Variants in CNTLN observed in about 807,000 individuals in gnomAD.
CNTLN encodes centlein, centrosomal protein.
In CNTLN, 212 loss-of-function variants were observed where a neutral mutation model predicts 180.0. The observed-to-expected ratio is 1.18, with a 90% CI of 1.05 to 1.32. The LOEUF is 1.32. CNTLN is among the 40% of genes most tolerant of loss of function. CNTLN has a pLI of 0.00. For missense variants in CNTLN, 2,095 were observed against 1,610.9 expected, an observed-to-expected ratio of 1.30 and a Z score of -5.14; for synonymous variants, 722 against 563.1, an observed-to-expected ratio of 1.28 and a Z score of -3.99.
chr9:17,342,469 G>A (rs958046664), intron 12 of CNTLN, 25 bp downstream of exon 12: 4 of 1,575,086 alleles, frequency 2.5e-6, no homozygotes, highest in Non-Finnish European at 3.4e-6. Context: ...TAACAATATG[G>A]ACTTAGATAA....
chr9:17,414,314 A>G (rs879598132), intron 16 of CNTLN, among the ~76,000 whole-genome samples: 1 of 152,136 alleles, frequency 6.6e-6, no homozygotes, highest in Non-Finnish European at 1.5e-5. Flanking sequence ...TGTTTGTTTC[A>G]TAGCATGAGA....
intron 6 of CNTLN, among the ~76,000 whole-genome samples, chr9:17,295,279 G>A (rs532148926): frequency 1.1e-3 from 161 of 152,308 alleles, no homozygotes; most frequent in Non-Finnish European, 1.8e-3. Context: ...GGACTCCCAA[G>A]GTGCAGCGGC....
intron 6 of CNTLN, among the ~76,000 whole-genome samples, chr9:17,290,240 A>T (rs1829280381): frequency 6.6e-6 from 1 of 151,992 alleles, no homozygotes; most frequent in Non-Finnish European, 1.5e-5. Context: ...CAGGACCCTC[A>T]GCTGCAGGTC....
intron 8 of CNTLN, among the ~76,000 whole-genome samples, chr9:17,310,251 A>AT (rs1051990646): frequency 6.6e-6 from 1 of 152,100 alleles, no homozygotes; most frequent in Admixed American, 6.6e-5. Flanking sequence ...TATCATTTTG[A>AT]TTTTTTTAAA....
At chr9:17,295,997 AGTGTGTGTGT>A (rs66515360) in intron 6 of CNTLN, among the ~76,000 whole-genome samples, 2,305 of 91,238 alleles carry the variant, frequency 0.025, 24 homozygotes, top group African/African-American at 0.054. Context: ...AGAGAGAGAG[AGTGTGTGTGT>A]GTGTGTGTGT....
chr9:17,377,036 T>G (rs1005801874), intron 13 of CNTLN, among the ~76,000 whole-genome samples: 7 of 152,134 alleles, frequency 4.6e-5, no homozygotes, highest in African/African-American at 1.7e-4. Flanking sequence ...TTTGTAAAAG[T>G]TTTTTGTTTC....
chr9:17,478,421 T>C (rs1314696301), intron 23 of CNTLN, among the ~76,000 whole-genome samples: 6 of 152,206 alleles, frequency 3.9e-5, no homozygotes, highest in Non-Finnish European at 7.3e-5. Context: ...GTCCTACTTA[T>C]TTATTTTTGA....
At chr9:17,450,519 T>C (rs1249504672) in intron 18 of CNTLN, among the ~76,000 whole-genome samples, 1 of 152,204 alleles carries the variant, frequency 6.6e-6, no homozygotes, top group Admixed American at 6.5e-5. Context: ...TCATTCAGAC[T>C]CTGCACTGAC....
At position 17,405,559 on chromosome 9, in the gene CNTLN, G is replaced by A. The variant is rs190749462; in HGVS notation, c.2616-3734G>A. 3.1e-4 allele frequency among the ~76,000 whole-genome samples: 47 copies of A among 151,598 alleles called. 1 individual carries two copies. The highest frequency in any genetic ancestry group is 9.3e-4 in the African/African-American group (38 of 41,060). On this transcript the variant is annotated intron_variant, in intron 15 of 25. Coordinates refer to ENST00000380647, the MANE Select transcript of CNTLN (RefSeq NM_017738.4). ...CTCACTCCCATGATAACATTAAATCGTTCATGAGGACTCATGATCTAATCA... is the reference window on the plus strand; with the variant it reads ...CTCACTCCCATGATAACATTAAATCATTCATGAGGACTCATGATCTAATCA...
At chr9:17,489,218 A>C (rs918572020) in intron 25 of CNTLN, among the ~76,000 whole-genome samples, 1 of 151,950 alleles carries the variant, frequency 6.6e-6, no homozygotes, top group Non-Finnish European at 1.5e-5. Flanking sequence ...TTCTTTGCCC[A>C]CCAGCCTTTT....
intron 2 of CNTLN, chr9:17,166,960 G>C: frequency 2.3e-6 from 1 of 430,912 alleles, no homozygotes; most frequent in Non-Finnish European, 4.7e-6. Flanking sequence ...GAGAAGACTT[G>C]GTAGCAGTAG....
At chr9:17,492,399 A>G (rs1197099073) in intron 25 of CNTLN, among the ~76,000 whole-genome samples, 2 of 152,106 alleles carry the variant, frequency 1.3e-5, no homozygotes, top group Non-Finnish European at 1.5e-5. Context: ...AACCAAATAT[A>G]AAGAGATTTC....
intron 13 of CNTLN, among the ~76,000 whole-genome samples, chr9:17,379,666 C>T (rs1181176042): frequency 2.6e-5 from 4 of 152,156 alleles, no homozygotes; most frequent in South Asian, 2.1e-4. Flanking sequence ...GGAAAATCTG[C>T]TCCCTCTAAC....
chr9:17,477,802 AG>A (rs1277868550), intron 23 of CNTLN, among the ~76,000 whole-genome samples: 1 of 152,234 alleles, frequency 6.6e-6, no homozygotes, highest in African/African-American at 2.4e-5. Context: ...TGACAACAAA[AG>A]TTTTAGAATA....
intron 18 of CNTLN, among the ~76,000 whole-genome samples, chr9:17,422,651 A>G (rs1353189622): frequency 6.6e-6 from 1 of 152,132 alleles, no homozygotes; most frequent in African/African-American, 2.4e-5. Context: ...TCCTTAAAAC[A>G]GTGATTTTGA....
At chr9:17,210,284 A>G (rs959049814) in intron 2 of CNTLN, among the ~76,000 whole-genome samples, 1 of 152,080 alleles carries the variant, frequency 6.6e-6, no homozygotes, top group Non-Finnish European at 1.5e-5. Flanking sequence ...TCATTGTTCA[A>G]TTCCCACCTG....
In CNTLN at chr9:17,416,079, A is replaced by G. The variant is rs1475763478; in HGVS notation, c.3004A>G (p.Lys1002Glu). 1.2e-6 allele frequency: 2 copies of G among 1,613,696 alleles called. No individual in the cohort carries two copies. The highest frequency in any genetic ancestry group is 2.2e-5 in the South Asian group (2 of 91,064). Residue 1002 changes from lysine to glutamate, a missense_variant, in exon 18 of 26, where the codon AAG (lysine) becomes GAG (glutamate). Transcript: ENST00000380647. ...QQQNSVLQNA[K>E]KTAELSVKEY... Reference sequence around the variant, plus strand: ...ACAAAACAGTGTACTTCAGAATGCCAAGAAAACAGCAGAATTGTCTGTTAA... The same window carrying G: ...ACAAAACAGTGTACTTCAGAATGCCGAGAAAACAGCAGAATTGTCTGTTAA...
the CNTLN span, among the ~76,000 whole-genome samples, chr9:17,526,692 T>G: frequency 2.6e-5 from 4 of 152,204 alleles, no homozygotes; most frequent in African/African-American, 7.2e-5. Flanking sequence ...AATAGCCAAG[T>G]CATACGTATA....
At chr9:17,435,598 T>C (rs964049379) in intron 18 of CNTLN, among the ~76,000 whole-genome samples, 1 of 151,774 alleles carries the variant, frequency 6.6e-6, no homozygotes, top group African/African-American at 2.4e-5. Context: ...TTTGCTCTTA[T>C]TGCCTAGGAT....
Sources: gnomAD v4.1 joint callset for allele counts (sites outside exome capture counted in the v4.1 genomes callset) on GRCh38, gnomAD v4.1.1 for gene constraint, MANE v1.5 for transcripts, NCBI Gene and HGNC (gene_info 2026-07-23, HGNC 2026-07-21) for gene names.